Variants in HMGA2 observed in about 807,000 individuals in gnomAD.
HMGA2 encodes the protein high mobility group protein HMGI-C.
HMGA2 carries 8 observed loss-of-function variants against 19.1 expected under a neutral mutation model. That is an observed-to-expected ratio of 0.42 (90% CI 0.25 to 0.76). The LOEUF (loss-of-function observed/expected upper bound fraction) is 0.76, where lower values mean the gene tolerates loss of function less well. Ranked by LOEUF, HMGA2 falls within the 30% of genes least tolerant of loss-of-function variation. The pLI is 0.28. For missense variants in HMGA2, 109 were observed against 136.3 expected, an observed-to-expected ratio of 0.80 and a Z score of 1.00; for synonymous variants, 60 against 48.8, an observed-to-expected ratio of 1.23 and a Z score of -0.96.
intron 3 of HMGA2, among the ~76,000 whole-genome samples, chr12:65,948,732 A>ATTATGCTTC: frequency 6.6e-6 from 1 of 152,196 alleles, no homozygotes; most frequent in Admixed American, 6.5e-5. Context: ...TAGCTGGTAG[A>ATTATGCTTC]AGTTCCGTGA....
At chr12:65,837,666 G>A (rs1870791545) in intron 2 of HMGA2, among the ~76,000 whole-genome samples, 1 of 152,106 alleles carries the variant, frequency 6.6e-6, no homozygotes. Flanking sequence ...GATTGGACTA[G>A]GGCTGACAAA....
intron 3 of HMGA2, among the ~76,000 whole-genome samples, chr12:65,888,552 C>CTTTTT (rs1565722298): frequency 2.2e-5 from 2 of 90,304 alleles, no homozygotes; most frequent in African/African-American, 4.6e-5. Context: ...CCGTGGTGTG[C>CTTTTT]TCTTTTTTTT....
At chr12:65,842,324 C>T (rs1871036702) in intron 3 of HMGA2, 1 of 618,172 alleles carries the variant, frequency 1.6e-6, no homozygotes, top group Non-Finnish European at 2.9e-6. Flanking sequence ...AAGAGCATGG[C>T]ACATAGGTAG....
chr12:65,858,254 A>G (rs1316235681), intron 3 of HMGA2: 5 of 152,564 alleles, frequency 3.3e-5, no homozygotes, highest in African/African-American at 1.2e-4. Context: ...ATACAAGAGT[A>G]AGTCAGATTG....
At chr12:65,842,998 T>A (rs1871068832) in intron 3 of HMGA2, 1 of 461,994 alleles carries the variant, frequency 2.2e-6, no homozygotes. Context: ...AACCAAATAA[T>A]GAAGACTACA....
At chr12:65,842,734 T>C in intron 3 of HMGA2, 3 of 1,442,794 alleles carry the variant, frequency 2.1e-6, no homozygotes, top group Admixed American at 4.8e-5. Flanking sequence ...TCAGAACTTC[T>C]ATAGAATTCC....
intron 3 of HMGA2, among the ~76,000 whole-genome samples, chr12:65,938,836 G>A (rs1379557497): frequency 6.6e-6 from 1 of 152,030 alleles, no homozygotes; most frequent in Non-Finnish European, 1.5e-5. Context: ...GCTGATTTTT[G>A]TACTTTTTTT....
chr12:65,831,966 T>G (rs1048114891), intron 2 of HMGA2, among the ~76,000 whole-genome samples: 1 of 151,962 alleles, frequency 6.6e-6, no homozygotes, highest in Non-Finnish European at 1.5e-5. Flanking sequence ...TAAATTAAAC[T>G]ACTATGATTT....
At chr12:65,858,162 C>T (rs1871840615) in intron 3 of HMGA2, 1 of 152,518 alleles carries the variant, frequency 6.6e-6, no homozygotes, top group Non-Finnish European at 1.5e-5. Flanking sequence ...AATGGAAAAA[C>T]ATAATAGGCA....
At chr12:65,828,558 C>G (rs917319431) in intron 2 of HMGA2, 1 of 178,950 alleles carries the variant, frequency 5.6e-6, no homozygotes, top group Non-Finnish European at 1.2e-5. Flanking sequence ...TATTAAAGTA[C>G]TTTGCCAAAT....
At chr12:65,890,915 G>T (rs975162772) in intron 3 of HMGA2, among the ~76,000 whole-genome samples, 1 of 151,988 alleles carries the variant, frequency 6.6e-6, no homozygotes, top group Admixed American at 6.6e-5. Flanking sequence ...TAGAGACGGG[G>T]TTTCACTGTG....
rs1424026459 is a variant in HMGA2 at position 65,963,411 on chromosome 12, T to TGGGGTGGGGTGGGGGAGGGG, written c.*134_*153dup. The TGGGGTGGGGTGGGGGAGGGG allele has an allele frequency of 2.3e-4, 1 of 4,258 alleles. No individual in the cohort carries two copies. Among genetic ancestry groups the TGGGGTGGGGTGGGGGAGGGG allele is most frequent in the Non-Finnish European group, 5.0e-4 (1 of 2,008 alleles). 0.3% of individuals were successfully genotyped at this position (4,258 alleles called of 1,614,324 possible). On this transcript the variant is annotated 3_prime_UTR_variant, in exon 5 of 5. Coordinates refer to ENST00000403681, the MANE Select transcript of HMGA2 (RefSeq NM_003483.6). ...CTTTCCACTTTCATCTGGGGTGGGG[T>TGGGGTGGGGTGGGGGAGGGG]GGGGTGGGGTGGGGGAGGGGGGGGT...
intron 3 of HMGA2, chr12:65,842,762 A>G (rs929519479): frequency 5.8e-6 from 8 of 1,373,562 alleles, no homozygotes; most frequent in African/African-American, 1.5e-5. Flanking sequence ...AGTCCTGCCA[A>G]TTGAAATTTG....
chr12:65,948,604 C>T (rs535222512), intron 3 of HMGA2: 9 of 152,442 alleles, frequency 5.9e-5, no homozygotes, highest in Admixed American at 1.3e-4. Context: ...AGTCTGGAGC[C>T]ATTGGGTGCC....
At chr12:65,850,539 A>G (rs1037603662) in intron 3 of HMGA2, among the ~76,000 whole-genome samples, 2 of 152,000 alleles carry the variant, frequency 1.3e-5, no homozygotes, top group Non-Finnish European at 2.9e-5. Flanking sequence ...TACTAAAAAA[A>G]AAGACTTTTC....
chr12:65,887,460 A>G (rs1873705878), intron 3 of HMGA2, among the ~76,000 whole-genome samples: 1 of 151,960 alleles, frequency 6.6e-6, no homozygotes, highest in Non-Finnish European at 1.5e-5. Flanking sequence ...GGTGGCGTGT[A>G]CCATAATCCC....
chr12:65,939,510 C>A (rs1438838400), intron 3 of HMGA2, among the ~76,000 whole-genome samples: 1 of 152,100 alleles, frequency 6.6e-6, no homozygotes, highest in East Asian at 1.9e-4. Flanking sequence ...CACCCACCAC[C>A]ACACCTGGCT....
intron 3 of HMGA2, among the ~76,000 whole-genome samples, chr12:65,935,932 G>T (rs780707056): frequency 3.3e-5 from 5 of 152,038 alleles, no homozygotes; most frequent in Non-Finnish European, 7.4e-5. Flanking sequence ...AGTCTTGCAG[G>T]GTAGCAGTTA....
intron 4 of HMGA2, among the ~76,000 whole-genome samples, chr12:65,960,847 A>G (rs1240670787): frequency 6.6e-6 from 1 of 152,216 alleles, no homozygotes; most frequent in Non-Finnish European, 1.5e-5. Context: ...AAACAATATG[A>G]CCTACCACCA....
Sources: gnomAD v4.1 joint callset for allele counts (sites outside exome capture counted in the v4.1 genomes callset) on GRCh38, gnomAD v4.1.1 for gene constraint, MANE v1.5 for transcripts, NCBI Gene and HGNC (gene_info 2026-07-23, HGNC 2026-07-21) for gene names.